CNTN4: variants seen among roughly 807,000 people sequenced by gnomAD.
The protein encoded by CNTN4 is contactin-4.
Under a neutral mutation model 122.5 loss-of-function variants are expected in CNTN4, and 77 were observed. The observed-to-expected ratio is 0.63, with a 90% CI of 0.52 to 0.76. The LOEUF is 0.76. Ranked by LOEUF, CNTN4 falls within the 30% of genes least tolerant of loss-of-function variation. The pLI is 0.00. For missense variants in CNTN4, 1,256 were observed against 1,259.1 expected (o/e 1.00, Z 0.04); for synonymous variants, 512 against 447.0 (o/e 1.15, Z -1.83).
At chr3:2,162,816 G>C (rs1000953075) in intron 2 of CNTN4, among the ~76,000 whole-genome samples, 4 of 152,178 alleles carry the variant, frequency 2.6e-5, no homozygotes, top group African/African-American at 9.7e-5. Flanking sequence ...AGAAAACAGG[G>C]CTGGGTGTGG....
chr3:2,898,208 A>G (rs1310927788), intron 10 of CNTN4, among the ~76,000 whole-genome samples: 1 of 152,208 alleles, frequency 6.6e-6, no homozygotes, highest in African/African-American at 2.4e-5. Context: ...TCTTTGTCAC[A>G]TATATAATAT....
intron 7 of CNTN4, among the ~76,000 whole-genome samples, chr3:2,825,823 A>T (rs955085372): frequency 1.3e-5 from 2 of 152,048 alleles, no homozygotes; most frequent in African/African-American, 4.8e-5. Context: ...TTCTGCGATT[A>T]TTTTCATTAT....
Position 3,030,855 on chromosome 3 carries a change from C to T in CNTN4, c.1663C>T (p.Gln555Ter). ...CAGCCACTTTCCCCTACTTTATCAG[C>T]AGGATTCAGCTGGTGATTTGATGAT... ...DGDHFERVGG[Q>*]DSAGDLMIRN... Residue 555 changes from glutamine (Q) to a stop codon, truncating the protein, a stop_gained and splice_region_variant, in exon 16 of 25, where the codon CAG (glutamine) becomes TAG (stop). Coordinates refer to ENST00000418658, the MANE Select transcript of CNTN4 (RefSeq NM_175607.3). LOFTEE classifies it high-confidence loss of function. 1 of 1,613,884 alleles carries T rather than the reference C, an allele frequency of 6.2e-7. No individual in the cohort carries two copies. The highest frequency in any genetic ancestry group is 8.5e-7 in the Non-Finnish European group (1 of 1,179,812).
At chr3:2,619,710 CT>C (rs1246517980) in intron 4 of CNTN4, among the ~76,000 whole-genome samples, 1 of 152,172 alleles carries the variant, frequency 6.6e-6, no homozygotes, top group African/African-American at 2.4e-5. Flanking sequence ...TTTCATTTGC[CT>C]GACGAAGAAC....
chr3:2,984,093 G>T (rs529006423), intron 13 of CNTN4, among the ~76,000 whole-genome samples: 1 of 152,050 alleles, frequency 6.6e-6, no homozygotes, highest in Admixed American at 6.5e-5. Context: ...AAATTATTTT[G>T]TAATTTCACA....
intron 4 of CNTN4, among the ~76,000 whole-genome samples, chr3:2,618,683 A>G (rs965966787): frequency 1.3e-5 from 2 of 152,188 alleles, no homozygotes; most frequent in Non-Finnish European, 2.9e-5. Flanking sequence ...CTCTTATTTA[A>G]TCAGTATCTC....
chr3:2,870,391 T>C (rs1218721357), intron 8 of CNTN4, among the ~76,000 whole-genome samples: 1 of 152,154 alleles, frequency 6.6e-6, no homozygotes, highest in Non-Finnish European at 1.5e-5. Flanking sequence ...TACACTGGAG[T>C]ATATAAAATG....
chr3:2,185,788 G>A (rs56314042), intron 2 of CNTN4, among the ~76,000 whole-genome samples: 40,734 of 151,854 alleles, frequency 0.27, 5,720 homozygotes, highest in East Asian at 0.45. Context: ...TGAATATTTG[G>A]GAGATTCTAA....
intron 5 of CNTN4, among the ~76,000 whole-genome samples, 156 bp downstream of exon 5, chr3:2,736,497 C>A (rs1293900044): frequency 2.6e-5 from 4 of 151,054 alleles, no homozygotes; most frequent in Non-Finnish European, 4.4e-5. Flanking sequence ...GAGTTTTGCT[C>A]TTGTTGCCCA....
intron 4 of CNTN4, among the ~76,000 whole-genome samples, chr3:2,721,101 A>G (rs1014450656): frequency 5.3e-5 from 8 of 152,018 alleles, no homozygotes; most frequent in African/African-American, 1.9e-4. Flanking sequence ...CCTCCCGAGC[A>G]GCTGGGATTA....
At chr3:2,499,794 T>G (rs1279226816) in intron 3 of CNTN4, among the ~76,000 whole-genome samples, 1 of 152,134 alleles carries the variant, frequency 6.6e-6, no homozygotes, top group Admixed American at 6.5e-5. Context: ...TGATAAGAAT[T>G]TTATTAAGCC....
At chr3:2,916,430 T>A (rs1412220415) in intron 12 of CNTN4, among the ~76,000 whole-genome samples, 2 of 149,672 alleles carry the variant, frequency 1.3e-5, no homozygotes, top group Non-Finnish European at 3.0e-5. Flanking sequence ...CCTTCAAGCA[T>A]CTGTTTAACA....
chr3:2,300,953 T>G (rs999943793), intron 2 of CNTN4, among the ~76,000 whole-genome samples: 1 of 152,200 alleles, frequency 6.6e-6, no homozygotes, highest in African/African-American at 2.4e-5. Context: ...GGCTTCCAGA[T>G]AGGAACTTGA....
At chr3:2,553,915 A>G (rs1370410537) in intron 3 of CNTN4, among the ~76,000 whole-genome samples, 1 of 152,218 alleles carries the variant, frequency 6.6e-6, no homozygotes, top group African/African-American at 2.4e-5. Context: ...AACTGTATGA[A>G]TTAACAACTA....
intron 3 of CNTN4, among the ~76,000 whole-genome samples, chr3:2,432,971 AT>A (rs2048131018): frequency 6.6e-6 from 1 of 151,224 alleles, no homozygotes; most frequent in Non-Finnish European, 1.5e-5. Context: ...CACCCAGCTC[AT>A]TTGTTTTTTT....
intron 6 of CNTN4, among the ~76,000 whole-genome samples, chr3:2,786,390 G>A (rs991433493): frequency 2.0e-5 from 3 of 152,194 alleles, no homozygotes; most frequent in Non-Finnish European, 4.4e-5. Context: ...GTTCTGCACA[G>A]AGTGTTGCTC....
At chr3:2,764,691 A>C (rs550245186) in intron 6 of CNTN4, among the ~76,000 whole-genome samples, 3 of 152,236 alleles carry the variant, frequency 2.0e-5, no homozygotes, top group African/African-American at 7.2e-5. Flanking sequence ...GCAAGACAGT[A>C]GCTTTCTGTA....
chr3:2,824,494 C>G (rs1013615628), intron 7 of CNTN4, among the ~76,000 whole-genome samples: 4 of 151,932 alleles, frequency 2.6e-5, no homozygotes, highest in African/African-American at 4.8e-5. Context: ...AAAACTGTAG[C>G]TGACTCGCTC....
intron 13 of CNTN4, among the ~76,000 whole-genome samples, chr3:2,957,295 G>C (rs2124944042): frequency 6.6e-6 from 1 of 152,186 alleles, no homozygotes; most frequent in East Asian, 1.9e-4. Flanking sequence ...CCTAGTCAAT[G>C]CTTGTTGTCT....
Sources: gnomAD v4.1 joint callset for allele counts (sites outside exome capture counted in the v4.1 genomes callset) on GRCh38, gnomAD v4.1.1 for gene constraint, MANE v1.5 for transcripts, NCBI Gene and HGNC (gene_info 2026-07-23, HGNC 2026-07-21) for gene names.